FHIT: variants seen among roughly 807,000 people sequenced by gnomAD.
The protein encoded by FHIT is fragile histidine triad diadenosine triphosphatase, also known as bis(5'-adenosyl)-triphosphatase.
FHIT carries 19 observed loss-of-function variants against 17.9 expected under a neutral mutation model. The ratio of observed to expected loss-of-function variants is 1.06; its 90% CI spans 0.74 to 1.56. The LOEUF (loss-of-function observed/expected upper bound fraction) is 1.56. FHIT is among the 40% of genes most tolerant of loss of function. The pLI, the probability that FHIT is intolerant of heterozygous loss-of-function variation, is 0.00. For missense variants in FHIT, 248 were observed against 189.2 expected, an observed-to-expected ratio of 1.31 and a Z score of -1.82; for synonymous variants, 81 against 69.7, an observed-to-expected ratio of 1.16 and a Z score of -0.81.
intron 7 of FHIT, among the ~76,000 whole-genome samples, chr3:60,010,524 C>T (rs537598039): frequency 2.6e-5 from 4 of 152,220 alleles, no homozygotes; most frequent in African/African-American, 4.8e-5. Flanking sequence ...ACCTTATCCA[C>T]TCACAGCTAG....
chr3:59,765,893 G>C (rs905355987), intron 8 of FHIT, among the ~76,000 whole-genome samples: 6 of 152,044 alleles, frequency 3.9e-5, no homozygotes, highest in African/African-American at 1.4e-4. Context: ...CATGGCTCAA[G>C]CAAAACAAAT....
At chr3:61,167,188 G>A (rs1216991727) in intron 2 of FHIT, 1 of 151,982 alleles carries the variant, frequency 6.6e-6, no homozygotes, top group African/African-American at 2.4e-5. Context: ...GATTTTTCTT[G>A]AGCACTTTCC....
At chr3:60,914,474 CAGTG>C (rs1345146755) in intron 3 of FHIT, among the ~76,000 whole-genome samples, 1 of 149,808 alleles carries the variant, frequency 6.7e-6, no homozygotes, top group African/African-American at 2.5e-5. Flanking sequence ...GACGGTTGTG[CAGTG>C]AGTAAGACTT....
intron 5 of FHIT, among the ~76,000 whole-genome samples, chr3:60,058,437 G>C (rs529109860): frequency 1.3e-5 from 2 of 152,258 alleles, no homozygotes; most frequent in South Asian, 4.1e-4. Flanking sequence ...CGTGTACAGA[G>C]TTTCTATTTG....
At chr3:60,309,403 G>T (rs1409261919) in intron 5 of FHIT, among the ~76,000 whole-genome samples, 1 of 151,956 alleles carries the variant, frequency 6.6e-6, no homozygotes, top group East Asian at 1.9e-4. Flanking sequence ...AAAAAGTATG[G>T]TCCATTTTAA....
rs915904579 is a variant in FHIT, at chr3:60,372,781, C to CT, written c.103+164078dup. Among the ~76,000 whole-genome samples, 96 of 151,882 alleles carry CT rather than the reference C, an allele frequency of 6.3e-4. 1 individual carries two copies. The East Asian group carries it at 0.017, about 27-fold the overall frequency. On this transcript the variant is annotated intron_variant, in intron 5 of 9. Coordinates refer to ENST00000492590, the MANE Select transcript of FHIT (RefSeq NM_002012.4). ...TCTATGGCTCCTACTTTCTCACAGA[C>CT]TTTTTTTTTAAAATGTATTTGGAGG...
chr3:59,949,179 A>G (rs1706988866), intron 7 of FHIT, among the ~76,000 whole-genome samples: 2 of 152,238 alleles, frequency 1.3e-5, no homozygotes, highest in Non-Finnish European at 2.9e-5. Flanking sequence ...TCTAGATATG[A>G]GTCCTTCATC....
At chr3:61,248,309 G>C (rs774342506) in intron 1 of FHIT, among the ~76,000 whole-genome samples, 1 of 152,106 alleles carries the variant, frequency 6.6e-6, no homozygotes, top group Non-Finnish European at 1.5e-5. Context: ...GGAGAGCGTG[G>C]GGGTGGGGGC....
At chr3:61,246,707 G>C (rs970440570) in intron 1 of FHIT, among the ~76,000 whole-genome samples, 4 of 151,900 alleles carry the variant, frequency 2.6e-5, no homozygotes. Flanking sequence ...GGGTAGAGGG[G>C]GAAGGGGAGG....
chr3:60,085,563 C>T (rs111775215), intron 5 of FHIT, among the ~76,000 whole-genome samples: 26 of 152,270 alleles, frequency 1.7e-4, no homozygotes, highest in African/African-American at 3.6e-4. Flanking sequence ...GGAATGTTCT[C>T]CCAGAAAGTT....
rs992281199 is a variant in FHIT, at chr3:60,655,175, G to A, written c.-17-118196C>T. ...TAAATAAGTGTTAACTAGCAATATGGAAGTAAGACCAGGAATGTTGAAAAG... is the reference window on the plus strand; with the variant it reads ...TAAATAAGTGTTAACTAGCAATATGAAAGTAAGACCAGGAATGTTGAAAAG... On this transcript the variant is annotated intron_variant, in intron 4 of 9. Coordinates refer to ENST00000492590, the MANE Select transcript of FHIT (RefSeq NM_002012.4). Among the ~76,000 whole-genome samples the A allele has an allele frequency of 3.3e-5, 5 of 152,178 alleles. No individual in the cohort carries two copies. In the South Asian group the frequency reaches 8.3e-4, roughly 25 times the overall value.
At chr3:60,832,603 G>C (rs1224789252) in intron 3 of FHIT, among the ~76,000 whole-genome samples, 7 of 151,690 alleles carry the variant, frequency 4.6e-5, no homozygotes, top group African/African-American at 7.3e-5. Context: ...AGGTATGTCA[G>C]ACATACGTGG....
chr3:60,059,059 G>C (rs1256231973), intron 5 of FHIT, among the ~76,000 whole-genome samples: 1 of 152,134 alleles, frequency 6.6e-6, no homozygotes, highest in Non-Finnish European at 1.5e-5. Context: ...GATGGGGCAG[G>C]AGAGGGCCCT....
chr3:59,817,554 C>T (rs1482483269), intron 8 of FHIT, among the ~76,000 whole-genome samples: 3 of 122,006 alleles, frequency 2.5e-5, no homozygotes, highest in Non-Finnish European at 5.2e-5. Flanking sequence ...CAGAGCAACA[C>T]CCGTCACTAA....
intron 2 of FHIT, among the ~76,000 whole-genome samples, chr3:61,045,256 C>A (rs1014518384): frequency 2.0e-5 from 3 of 152,184 alleles, no homozygotes; most frequent in African/African-American, 7.2e-5. Flanking sequence ...TGCAGAGACA[C>A]ACACAGGCTC....
intron 5 of FHIT, among the ~76,000 whole-genome samples, chr3:60,033,084 C>G (rs751435999): frequency 2.6e-4 from 39 of 152,208 alleles, no homozygotes; most frequent in Non-Finnish European, 4.3e-4. Context: ...CAAATAATAA[C>G]CTAATATAAG....
chr3:60,088,674 T>C (rs900953005), intron 5 of FHIT, among the ~76,000 whole-genome samples: 4 of 152,190 alleles, frequency 2.6e-5, no homozygotes, highest in Admixed American at 6.5e-5. Flanking sequence ...CCCTACTTTA[T>C]AGATCTAGCA....
At chr3:61,091,128 T>A (rs1319789462) in intron 2 of FHIT, among the ~76,000 whole-genome samples, 4 of 152,126 alleles carry the variant, frequency 2.6e-5, no homozygotes, top group Non-Finnish European at 5.9e-5. Context: ...CAAGAAAAAA[T>A]ATGCACTTAA....
Position 60,556,318 on chromosome 3 carries a change from A to C in FHIT, c.-17-19339T>G, listed in dbSNP as rs372606528. Among the ~76,000 whole-genome samples the C allele has an allele frequency of 1.4e-4, 22 of 152,332 alleles. No homozygotes were observed. In the East Asian group the frequency reaches 4.1e-3, roughly 28 times the overall value. ...AGATGCAGAGGAGACAGAAAGGTAAAGGATTAAGAAGGAGCTGGTCCCTCT... is the reference window on the plus strand; with the variant it reads ...AGATGCAGAGGAGACAGAAAGGTAACGGATTAAGAAGGAGCTGGTCCCTCT... On this transcript the variant is annotated intron_variant, in intron 4 of 9. Transcript: ENST00000492590.
Sources: allele counts gnomAD v4.1 joint callset (sites outside exome capture counted in the v4.1 genomes callset), GRCh38; gene constraint gnomAD v4.1.1; transcripts MANE v1.5; gene names NCBI Gene and HGNC (gene_info 2026-07-23, HGNC 2026-07-21).